The following UNC13C variants were observed in gnomAD, a reference collection of about 807,000 sequenced individuals.
UNC13C encodes protein unc-13 homolog C.
In UNC13C, 174 loss-of-function variants were observed where a neutral mutation model predicts 245.4. The observed-to-expected ratio is 0.71, with a 90% CI of 0.63 to 0.80. UNC13C has a LOEUF of 0.80. Ranked by LOEUF, UNC13C falls within the 30% of genes least tolerant of loss-of-function variation. The probability of loss-of-function intolerance (pLI) is 0.00; values close to 1 mark genes in which losing one functional copy is unlikely to be tolerated. For missense variants in UNC13C, 2,829 were observed against 2,602.9 expected (o/e 1.09, Z -1.89); for synonymous variants, 992 against 895.1 (o/e 1.11, Z -1.93).
At chr15:54,494,458 T>A (rs1893861620) in intron 19 of UNC13C, 150 bp from the exon 20 acceptor site, 1 of 651,478 alleles carries the variant, frequency 1.5e-6, no homozygotes, top group African/African-American at 1.9e-5. Context: ...TTTATAAAAT[T>A]TTAGGTCAGC....
At position 54,616,579 on chromosome 15, in the gene UNC13C, T is replaced by C. The variant is rs576387946; in HGVS notation, c.6107-5748T>C. Among the ~76,000 whole-genome samples, 6 of 151,686 alleles carry C rather than the reference T, an allele frequency of 4.0e-5. 1 individual carries two copies. The highest frequency in any genetic ancestry group is 1.5e-4 in the African/African-American group (6 of 41,374). On this transcript the variant is annotated intron_variant, in intron 30 of 32. Transcript: ENST00000260323. The stretch of plus-strand genomic sequence containing the variant: ...AACAACAGCAACAAAAGCTTTTAAG[T>C]AAAAAAAAGTCTTTAAAATAGAAAA...
At chr15:54,199,151 G>T (rs188028038) in intron 4 of UNC13C, among the ~76,000 whole-genome samples, 128 of 152,074 alleles carry the variant, frequency 8.4e-4, no homozygotes, top group African/African-American at 3.0e-3. Context: ...AAAGAAAAAA[G>T]ATTTTTAAGA....
At chr15:53,971,220 T>C in the UNC13C span, among the ~76,000 whole-genome samples, 3 of 152,186 alleles carry the variant, frequency 2.0e-5, no homozygotes, top group Admixed American at 1.3e-4. Flanking sequence ...CTTCAACAAA[T>C]AATGTTGAGA....
intron 2 of UNC13C, among the ~76,000 whole-genome samples, chr15:54,110,280 CAAAA>C (rs11343698): frequency 6.9e-6 from 1 of 144,738 alleles, no homozygotes. Flanking sequence ...GACGCTGCCT[CAAAA>C]AAAAAAAAAA....
chr15:54,061,433 C>T (rs1041956583), intron 2 of UNC13C, among the ~76,000 whole-genome samples: 1 of 152,096 alleles, frequency 6.6e-6, no homozygotes, highest in Non-Finnish European at 1.5e-5. Flanking sequence ...AGCTTGCCTC[C>T]TTTTTTCCCT....
chr15:54,554,246 T>C (rs1307018038), intron 28 of UNC13C, among the ~76,000 whole-genome samples: 3 of 151,976 alleles, frequency 2.0e-5, no homozygotes, highest in Non-Finnish European at 1.5e-5. Context: ...GATAGATTAT[T>C]ATCTTCAGGA....
chr15:54,319,756 T>A (rs533516072), intron 13 of UNC13C, among the ~76,000 whole-genome samples: 1 of 118,160 alleles, frequency 8.5e-6, no homozygotes, highest in Non-Finnish European at 1.8e-5. Context: ...TAGTAAGATA[T>A]GAGAGCAAAA....
At chr15:54,500,222 C>A in intron 21 of UNC13C, 47 bp downstream of exon 21, 2 of 1,389,392 alleles carry the variant, frequency 1.4e-6, no homozygotes, top group Non-Finnish European at 2.0e-6. Flanking sequence ...GATTCAGTCA[C>A]ATTGCTTACT....
At chr15:53,859,343 A>G in the UNC13C span, among the ~76,000 whole-genome samples, 1 of 152,180 alleles carries the variant, frequency 6.6e-6, no homozygotes, top group South Asian at 2.1e-4. Flanking sequence ...AATTACAAAT[A>G]TGAATGCATG....
chr15:54,393,120 A>G lies in UNC13C; in HGVS notation c.4786A>G (p.Ile1596Val), dbSNP rs1198455229. The change falls in exon 18 of 33, where the codon ATT becomes GTT. Residue 1596 changes from isoleucine (I) to valine (V), a missense_variant. By Grantham distance (29) the Ile-to-Val change is conservative. Coordinates refer to ENST00000260323, the MANE Select transcript of UNC13C (RefSeq NM_001080534.3). ...TKNLDFWPQL[I>V]TLMVTIIDED... Reference sequence around the variant, plus strand: ...GAATTTGGATTTTTGGCCCCAACTTATTACACTGATGGTTACTATTATTGA... The same window carrying G: ...GAATTTGGATTTTTGGCCCCAACTTGTTACACTGATGGTTACTATTATTGA... 1.2e-6 allele frequency: 2 copies of G among 1,611,394 alleles called. No homozygotes were observed. The highest frequency in any genetic ancestry group is 2.7e-5 in the African/African-American group (2 of 74,766).
intron 13 of UNC13C, among the ~76,000 whole-genome samples, chr15:54,313,199 C>T (rs886642578): frequency 2.0e-5 from 3 of 151,784 alleles, no homozygotes; most frequent in Admixed American, 6.6e-5. Context: ...GAATATTATT[C>T]GCCTTCAAAG....
chr15:54,164,230 T>A (rs1301206660), intron 4 of UNC13C, among the ~76,000 whole-genome samples: 1 of 152,236 alleles, frequency 6.6e-6, no homozygotes, highest in Non-Finnish European at 1.5e-5. Context: ...TAATTTAAAT[T>A]ATGTATAATA....
intron 1 of UNC13C, among the ~76,000 whole-genome samples, chr15:53,992,808 T>C (rs1453094923): frequency 1.3e-5 from 2 of 152,130 alleles, no homozygotes; most frequent in Admixed American, 6.6e-5. Flanking sequence ...TAGTAATTAA[T>C]CACTCTTCAC....
chr15:54,602,976 G>A (rs1899527060), intron 30 of UNC13C, among the ~76,000 whole-genome samples: 1 of 151,806 alleles, frequency 6.6e-6, no homozygotes, highest in African/African-American at 2.4e-5. Context: ...CAAGATAATA[G>A]GTAGGATCAG....
intron 4 of UNC13C, among the ~76,000 whole-genome samples, chr15:54,214,942 AT>A (rs201978765): frequency 1.3e-5 from 2 of 151,690 alleles, no homozygotes; most frequent in African/African-American, 2.4e-5. Flanking sequence ...AATTAAAGGG[AT>A]TTTTTTTCAA....
chr15:54,440,714 G>A (rs1249461701), intron 19 of UNC13C, among the ~76,000 whole-genome samples: 3 of 151,980 alleles, frequency 2.0e-5, no homozygotes, highest in African/African-American at 7.2e-5. Context: ...TCTATTTTTA[G>A]ATTTTGGGGA....
At chr15:54,048,346 C>A (rs528926313) in intron 2 of UNC13C, among the ~76,000 whole-genome samples, 1 of 152,266 alleles carries the variant, frequency 6.6e-6, no homozygotes, top group African/African-American at 2.4e-5. Flanking sequence ...TCTCCAAAAA[C>A]TTTTCTTTTG....
At chr15:54,080,740 C>T (rs1351560369) in intron 2 of UNC13C, among the ~76,000 whole-genome samples, 1 of 151,862 alleles carries the variant, frequency 6.6e-6, no homozygotes, top group African/African-American at 2.4e-5. Flanking sequence ...ATTGATATGT[C>T]AGTTTTGTTT....
At chr15:54,286,089 C>T (rs556897363) in intron 10 of UNC13C, among the ~76,000 whole-genome samples, 69 of 152,190 alleles carry the variant, frequency 4.5e-4, no homozygotes, top group Non-Finnish European at 9.0e-4. Flanking sequence ...CCATTTTGGC[C>T]AGGCTGGTCT....
Sources: gnomAD v4.1 joint callset for allele counts (sites outside exome capture counted in the v4.1 genomes callset) on GRCh38, gnomAD v4.1.1 for gene constraint, MANE v1.5 for transcripts, NCBI Gene and HGNC (gene_info 2026-07-23, HGNC 2026-07-21) for gene names.